The following PTGER3 variants were observed in gnomAD, a reference collection of about 807,000 sequenced individuals.
PTGER3 encodes prostaglandin E2 receptor EP3 subtype.
Under a neutral mutation model 34.7 loss-of-function variants are expected in PTGER3, and 22 were observed. The observed-to-expected ratio is 0.63, with a 90% confidence interval of 0.45 to 0.91. The LOEUF (loss-of-function observed/expected upper bound fraction) is 0.91, where lower values mean the gene tolerates loss of function less well. Among genes scored for constraint, PTGER3 ranks in the 40% least tolerant of loss-of-function variants. PTGER3 has a pLI of 0.00. For missense variants in PTGER3, 468 were observed against 519.4 expected (o/e 0.90, Z 0.96); for synonymous variants, 241 against 230.1 (o/e 1.05, Z -0.43).
chr1:70,891,896 A>G (rs1646625753), intron 4 of PTGER3, among the ~76,000 whole-genome samples: 1 of 152,232 alleles, frequency 6.6e-6, no homozygotes, highest in Admixed American at 6.5e-5. Context: ...GACATGTGCC[A>G]TGAGTCTTAG....
intron 2 of PTGER3, among the ~76,000 whole-genome samples, chr1:70,963,177 G>C (rs1367000122): frequency 2.0e-5 from 3 of 152,196 alleles, no homozygotes; most frequent in Non-Finnish European, 2.9e-5. Context: ...CATAATCTGA[G>C]ACAGCTCTGT....
chr1:70,953,657 A>C, intron 3 of PTGER3: 1 of 1,488,428 alleles, frequency 6.7e-7, no homozygotes, highest in Admixed American at 2.4e-5. Flanking sequence ...AGGAAGGAAA[A>C]CACGAACTTT....
intron 4 of PTGER3, among the ~76,000 whole-genome samples, chr1:70,899,253 G>T (rs969913415): frequency 4.6e-5 from 7 of 152,124 alleles, no homozygotes; most frequent in African/African-American, 1.4e-4. Context: ...TGTCTAGTGG[G>T]GAATAGAGAC....
intron 4 of PTGER3, among the ~76,000 whole-genome samples, chr1:70,858,674 T>C (rs1431474070): frequency 6.6e-6 from 1 of 152,184 alleles, no homozygotes; most frequent in Non-Finnish European, 1.5e-5. Context: ...ACTACATTAC[T>C]GGTCAGATGA....
At chr1:71,040,129 G>C (rs1660183675) in intron 1 of PTGER3, among the ~76,000 whole-genome samples, 1 of 147,310 alleles carries the variant, frequency 6.8e-6, no homozygotes, top group African/African-American at 2.5e-5. Flanking sequence ...AAAAAAGAAA[G>C]AGAAAGAGAG....
chr1:70,925,239 A>C (rs904003254), intron 4 of PTGER3, among the ~76,000 whole-genome samples: 3 of 152,184 alleles, frequency 2.0e-5, no homozygotes, highest in African/African-American at 7.2e-5. Context: ...TCCTGACCTC[A>C]GTTGATCCAC....
At chr1:70,897,035 G>A (rs1181665471) in intron 4 of PTGER3, among the ~76,000 whole-genome samples, 1 of 152,148 alleles carries the variant, frequency 6.6e-6, no homozygotes, top group Non-Finnish European at 1.5e-5. Flanking sequence ...GATGAGGAAC[G>A]GTGTTTCTCA....
At chr1:70,862,518 G>A (rs2100487829) in intron 4 of PTGER3, 4 of 509,748 alleles carry the variant, frequency 7.8e-6, no homozygotes, top group African/African-American at 2.0e-5. Flanking sequence ...ATTAAGGGAG[G>A]ACAGGGGAGA....
intron 2 of PTGER3, among the ~76,000 whole-genome samples, chr1:70,975,128 G>T (rs1309859522): frequency 6.6e-6 from 1 of 152,092 alleles, no homozygotes; most frequent in East Asian, 1.9e-4. Context: ...ATTATTTATT[G>T]ATGTGTCATT....
intron 1 of PTGER3, among the ~76,000 whole-genome samples, chr1:71,043,055 AC>A (rs1324235742): frequency 1.3e-5 from 2 of 152,264 alleles, no homozygotes; most frequent in African/African-American, 4.8e-5. Flanking sequence ...TTATAAAAGT[AC>A]AAAATGTACT....
intron 4 of PTGER3, among the ~76,000 whole-genome samples, chr1:70,858,732 G>A (rs61777097): frequency 2.0e-5 from 3 of 152,174 alleles, no homozygotes; most frequent in Non-Finnish European, 4.4e-5. Flanking sequence ...TCCAGGACCT[G>A]TGTTCTTTCT....
chr1:70,948,818 C>CAGCCTATCTGCAGA (rs1483138732), downstream of PTGER3, among the ~76,000 whole-genome samples: 2 of 152,120 alleles, frequency 1.3e-5, no homozygotes, highest in Non-Finnish European at 2.9e-5. Flanking sequence ...GGAAGGACCA[C>CAGCCTATCTGCAGA]AGCCTATCTG....
At chr1:70,893,164 C>T (rs1177551060) in intron 4 of PTGER3, among the ~76,000 whole-genome samples, 1 of 152,158 alleles carries the variant, frequency 6.6e-6, no homozygotes, top group Non-Finnish European at 1.5e-5. Flanking sequence ...AGGTTAGAAG[C>T]TGATAATTTA....
chr1:70,914,443 A>C lies in PTGER3; in HGVS notation c.*23+39320T>G, dbSNP rs1040948627. On this transcript the variant is annotated intron_variant, in intron 4 of 4. Transcript: ENST00000370931. ...TTCCTGCTATCAATGACATCATCAT[A>C]ACTATTTTCATAATTTCAACCATTT... Among the ~76,000 whole-genome samples the C allele has an allele frequency of 2.0e-5, 3 of 152,042 alleles. No individual in the cohort carries two copies. The South Asian group carries it at 6.2e-4, about 32-fold the overall frequency.
At chr1:70,909,906 T>C (rs1171531089) in intron 4 of PTGER3, among the ~76,000 whole-genome samples, 1 of 152,218 alleles carries the variant, frequency 6.6e-6, no homozygotes, top group Non-Finnish European at 1.5e-5. Flanking sequence ...TTTGAAATGC[T>C]TACTTAATCA....
intron 2 of PTGER3, among the ~76,000 whole-genome samples, chr1:70,988,129 G>A (rs559670895): frequency 5.5e-4 from 84 of 152,202 alleles, no homozygotes; most frequent in Non-Finnish European, 9.1e-4. Context: ...TAAAAACTCA[G>A]TTGTTTAATT....
chr1:71,000,897 G>T (rs1408005718), intron 2 of PTGER3, among the ~76,000 whole-genome samples: 1 of 152,152 alleles, frequency 6.6e-6, no homozygotes, highest in Non-Finnish European at 1.5e-5. Context: ...ATGAAAGTCA[G>T]TTATAACTAT....
chr1:71,016,600 C>T (rs745555106), intron 1 of PTGER3, among the ~76,000 whole-genome samples: 11 of 151,954 alleles, frequency 7.2e-5, no homozygotes, highest in Admixed American at 1.3e-4. Flanking sequence ...CCCAGCAGTT[C>T]GAGACCAGCC....
intron 4 of PTGER3, among the ~76,000 whole-genome samples, chr1:70,865,274 G>T (rs1381485246): frequency 1.3e-5 from 2 of 152,142 alleles, no homozygotes; most frequent in Admixed American, 6.6e-5. Context: ...AGCAGTAGGG[G>T]TGTGGTGAAG....
Sources: gnomAD v4.1 joint callset for allele counts (sites outside exome capture counted in the v4.1 genomes callset) on GRCh38, gnomAD v4.1.1 for gene constraint, MANE v1.5 for transcripts, NCBI Gene and HGNC (gene_info 2026-07-23, HGNC 2026-07-21) for gene names.